The following PLSCR4 variants were observed in gnomAD, a reference collection of about 807,000 sequenced individuals.
PLSCR4 encodes Ca(2+)-dependent phospholipid scramblase 4.
In PLSCR4, 25 loss-of-function variants were observed where a neutral mutation model predicts 36.3. The observed-to-expected ratio is 0.69, with a 90% confidence interval of 0.50 to 0.96. The LOEUF (loss-of-function observed/expected upper bound fraction) is 0.96. PLSCR4 is among the 40% of genes least tolerant of loss of function. The pLI, the probability that PLSCR4 is intolerant of heterozygous loss-of-function variation, is 0.00. For missense variants in PLSCR4, 408 were observed against 414.7 expected (o/e 0.98, Z 0.14); for synonymous variants, 122 against 132.9 (o/e 0.92, Z 0.56).
At chr3:146,221,863 C>T (rs1422828067) in intron 2 of PLSCR4, among the ~76,000 whole-genome samples, 1 of 151,848 alleles carries the variant, frequency 6.6e-6, no homozygotes, top group African/African-American at 2.4e-5. Context: ...CCTTTTTAAT[C>T]TTTTTCTGAC....
intron 2 of PLSCR4, 39 bp downstream of exon 2, chr3:146,222,026 G>A: frequency 2.1e-5 from 25 of 1,163,380 alleles, no homozygotes; most frequent in Non-Finnish European, 3.0e-5. Context: ...ATTCACATTT[G>A]AAAATAAAGC....
At chr3:146,212,492 C>T (rs1423401605) in intron 3 of PLSCR4, among the ~76,000 whole-genome samples, 42 of 147,184 alleles carry the variant, frequency 2.9e-4, no homozygotes, top group African/African-American at 9.5e-4. Flanking sequence ...AGTCTGTCAC[C>T]CAGGCTGAAG....
rs115666518 is a variant in PLSCR4 at position 146,238,135 on chromosome 3, C to A, written c.-22+12825G>T. ...AAGACAGACACTACCAAAACTGACT[C>A]AAGAAGAAACAGGAAACCTGAATAG... On this transcript the variant is annotated intron_variant, in intron 1 of 8. Transcript: ENST00000354952. 4.5e-3 allele frequency among the ~76,000 whole-genome samples: 675 copies of A among 150,834 alleles called. 3 individuals carry two copies. The highest frequency in any genetic ancestry group is 0.014 in the African/African-American group (563 of 41,110).
At chr3:146,211,940 T>C (rs779215375) in intron 3 of PLSCR4, among the ~76,000 whole-genome samples, 8 of 152,168 alleles carry the variant, frequency 5.3e-5, no homozygotes, top group Non-Finnish European at 1.0e-4. Context: ...AGTACTGTGG[T>C]ATTGACTTCT....
At chr3:146,196,606 G>C in intron 7 of PLSCR4, 26 bp downstream of exon 7, 1 of 1,608,804 alleles carries the variant, frequency 6.2e-7, no homozygotes, top group Non-Finnish European at 8.5e-7. Flanking sequence ...AAAAATATCA[G>C]AAACACTATT....
intron 4 of PLSCR4, 104 bp from the exon 5 acceptor site, chr3:146,201,181 C>G: frequency 1.5e-6 from 1 of 675,428 alleles, no homozygotes; most frequent in Admixed American, 3.5e-5. Flanking sequence ...CAATTGATAC[C>G]AAAATATATT....
intron 6 of PLSCR4, among the ~76,000 whole-genome samples, chr3:146,198,408 A>AT (rs1261756092): frequency 8.6e-5 from 13 of 151,680 alleles, no homozygotes; most frequent in Admixed American, 5.9e-4. Flanking sequence ...TAGGCTTGTA[A>AT]TTTTTTTTAG....
intron 1 of PLSCR4, among the ~76,000 whole-genome samples, chr3:146,228,792 A>G (rs2035581649): frequency 6.6e-6 from 1 of 152,184 alleles, no homozygotes; most frequent in African/African-American, 2.4e-5. Context: ...ACTTCATGGT[A>G]TAAGATGCAA....
At chr3:146,248,518 C>T (rs1559932743) in intron 1 of PLSCR4, among the ~76,000 whole-genome samples, 1 of 129,538 alleles carries the variant, frequency 7.7e-6, no homozygotes, top group East Asian at 2.2e-4. Flanking sequence ...AGTGTTTCAA[C>T]TTGTTGTTTC....
At chr3:146,205,777 T>C (rs892593808) in intron 4 of PLSCR4, among the ~76,000 whole-genome samples, 14 of 152,234 alleles carry the variant, frequency 9.2e-5, no homozygotes, top group South Asian at 4.1e-4. Context: ...TGGTTGACCA[T>C]TGGTAACTGA....
intron 4 of PLSCR4, among the ~76,000 whole-genome samples, chr3:146,204,054 C>T (rs537506071): frequency 6.6e-6 from 1 of 152,070 alleles, no homozygotes; most frequent in African/African-American, 2.4e-5. Flanking sequence ...CACTCAGAGG[C>T]CATCACAGGA....
rs562758107 is a variant in PLSCR4 at position 146,228,627 on chromosome 3, T to C, written c.-21-6535A>G. On this transcript the variant is annotated intron_variant, in intron 1 of 8. Coordinates refer to ENST00000354952, the MANE Select transcript of PLSCR4 (RefSeq NM_020353.3). ...TATTATTCAGATGATGGATGTATCT[T>C]GTAGTAAACTTTAAAAAGATCAGAA... 2.6e-5 allele frequency among the ~76,000 whole-genome samples: 4 copies of C among 152,278 alleles called. No individual in the cohort carries two copies. The South Asian group carries it at 8.3e-4, about 32-fold the overall frequency.
intron 5 of PLSCR4, among the ~76,000 whole-genome samples, chr3:146,200,695 G>GA (rs2033999752): frequency 2.0e-5 from 3 of 152,068 alleles, no homozygotes; most frequent in Non-Finnish European, 2.9e-5. Flanking sequence ...TTAGCTGACT[G>GA]TGGTGTCCCT....
In PLSCR4 at chr3:146,225,880, C is replaced by T. The variant is rs180761713; in HGVS notation, c.-21-3788G>A. 2.0e-5 allele frequency among the ~76,000 whole-genome samples: 3 copies of T among 152,298 alleles called. No individual in the cohort carries two copies. In the East Asian group the frequency reaches 5.8e-4, roughly 30 times the overall value. On this transcript the variant is annotated intron_variant, in intron 1 of 8. Transcript: ENST00000354952. ...AGCCCAGAAAGGGGCTCCCACAGTG[C>T]AGTGGTGGGCTGAAGGGCTCCTCAA...
At chr3:146,234,441 A>C (rs1440454684) in intron 1 of PLSCR4, among the ~76,000 whole-genome samples, 3 of 152,136 alleles carry the variant, frequency 2.0e-5, no homozygotes, top group Admixed American at 6.5e-5. Context: ...GAAAGCAGTA[A>C]TTTTATCAGA....
At chr3:146,197,912 T>C (rs1446816164) in intron 6 of PLSCR4, among the ~76,000 whole-genome samples, 8 of 152,048 alleles carry the variant, frequency 5.3e-5, no homozygotes, top group Non-Finnish European at 1.2e-4. Context: ...ATCATAGAGC[T>C]CTCATATAAG....
At chr3:146,219,540 G>A (rs2035046229) in intron 3 of PLSCR4, among the ~76,000 whole-genome samples, 1 of 152,058 alleles carries the variant, frequency 6.6e-6, no homozygotes, top group South Asian at 2.1e-4. Context: ...ATTAGGAAGA[G>A]AAAAAAGGAA....
intron 3 of PLSCR4, among the ~76,000 whole-genome samples, chr3:146,220,072 T>C (rs576328476): frequency 3.3e-5 from 5 of 152,338 alleles, no homozygotes; most frequent in Non-Finnish European, 7.3e-5. Context: ...AAAAAAATAT[T>C]ACTACAGTGT....
At chr3:146,225,380 C>T (rs966235108) in intron 1 of PLSCR4, among the ~76,000 whole-genome samples, 1 of 152,248 alleles carries the variant, frequency 6.6e-6, no homozygotes, top group African/African-American at 2.4e-5. Flanking sequence ...CTAGTGGATC[C>T]CGCAGCAGGG....
Sources: gnomAD v4.1 joint callset for allele counts (sites outside exome capture counted in the v4.1 genomes callset) on GRCh38, gnomAD v4.1.1 for gene constraint, MANE v1.5 for transcripts, NCBI Gene and HGNC (gene_info 2026-07-23, HGNC 2026-07-21) for gene names.